ESRRB: variants seen among roughly 807,000 people sequenced by gnomAD.
ESRRB encodes steroid hormone receptor ERR2.
Under a neutral mutation model 46.0 loss-of-function variants are expected in ESRRB, and 16 were observed. The ratio of observed to expected loss-of-function variants is 0.35; its 90% confidence interval spans 0.24 to 0.53. ESRRB has a LOEUF of 0.53. Ranked by LOEUF, ESRRB falls within the 20% of genes least tolerant of loss-of-function variation. The pLI, the probability that ESRRB is intolerant of heterozygous loss-of-function variation, is 0.93. For synonymous variants in ESRRB, 246 were observed against 259.6 expected (o/e 0.95, Z 0.50); for missense variants, 488 against 607.4 (o/e 0.80, Z 2.07).
At chr14:76,333,713 C>G (rs751062904) in intron 1 of ESRRB, among the ~76,000 whole-genome samples, 2 of 151,348 alleles carry the variant, frequency 1.3e-5, no homozygotes, top group Non-Finnish European at 2.9e-5. Flanking sequence ...ATTATCATTT[C>G]GACATATAGG....
chr14:76,462,571 A>C lies in ESRRB; in HGVS notation c.487A>C (p.Thr163Pro). 1 of 1,614,052 alleles carries C rather than the reference A, an allele frequency of 6.2e-7. No homozygotes were observed. The highest frequency in any genetic ancestry group is 8.5e-7 in the Non-Finnish European group (1 of 1,179,960). Reference sequence around the variant, plus strand: ...GAACATTGAGTACAGCTGCCCGGCCACCAACGAGTGCGAGATCACCAAACG... The same window carrying C: ...GAACATTGAGTACAGCTGCCCGGCCCCCAACGAGTGCGAGATCACCAAACG... Reference protein sequence around the residue: ...QGNIEYSCPATNECEITKRRR... With the variant: ...QGNIEYSCPAPNECEITKRRR... Residue 163 changes from threonine to proline, a missense_variant, in exon 3 of 7, where the codon ACC becomes CCC. By Grantham distance (38) the Thr-to-Pro change is conservative. Coordinates refer to ENST00000644823, the MANE Select transcript of ESRRB (RefSeq NM_001379180.1).
At chr14:76,436,100 CTGCAGGA>C (rs1000653398) in intron 1 of ESRRB, among the ~76,000 whole-genome samples, 31 of 152,344 alleles carry the variant, frequency 2.0e-4, no homozygotes, top group African/African-American at 7.2e-4. Flanking sequence ...GGCCCAGACA[CTGCAGGA>C]TGCAGGATGC....
chr14:76,406,388 C>T (rs184554252), intron 1 of ESRRB, among the ~76,000 whole-genome samples: 2 of 152,246 alleles, frequency 1.3e-5, no homozygotes, highest in East Asian at 1.9e-4. Flanking sequence ...CCCTAACTCT[C>T]CAGATACCCA....
chr14:76,384,575 G>A (rs1287540355), intron 1 of ESRRB, among the ~76,000 whole-genome samples: 1 of 152,134 alleles, frequency 6.6e-6, no homozygotes, highest in Non-Finnish European at 1.5e-5. Flanking sequence ...TGGGTGCTTT[G>A]CCTTTGAACG....
At chr14:76,395,406 C>T (rs1229094059) in intron 1 of ESRRB, among the ~76,000 whole-genome samples, 5 of 152,152 alleles carry the variant, frequency 3.3e-5, no homozygotes, top group Non-Finnish European at 1.5e-5. Context: ...AGGAAGGAGT[C>T]CCTCCGGACT....
At chr14:76,453,694 A>G (rs553106966) in intron 2 of ESRRB, among the ~76,000 whole-genome samples, 1 of 147,958 alleles carries the variant, frequency 6.8e-6, no homozygotes, top group African/African-American at 2.5e-5. Context: ...GCCTCCCTTC[A>G]ACCTCCCTGG....
chr14:76,400,546 G>A (rs950957887), intron 1 of ESRRB, among the ~76,000 whole-genome samples: 3 of 152,216 alleles, frequency 2.0e-5, no homozygotes, highest in African/African-American at 7.2e-5. Context: ...GTACTAGGTT[G>A]CCTTTTCCCA....
At chr14:76,417,609 G>C (rs1886761942) in intron 1 of ESRRB, among the ~76,000 whole-genome samples, 1 of 152,202 alleles carries the variant, frequency 6.6e-6, no homozygotes, top group African/African-American at 2.4e-5. Context: ...CATATTTCAA[G>C]CATGTGACTT....
At chr14:76,446,707 T>C (rs1888163646) in intron 2 of ESRRB, among the ~76,000 whole-genome samples, 1 of 152,170 alleles carries the variant, frequency 6.6e-6, no homozygotes, top group Non-Finnish European at 1.5e-5. Context: ...TAGGATCTAG[T>C]TCCCCTGCAG....
intron 5 of ESRRB, among the ~76,000 whole-genome samples, chr14:76,484,292 G>C (rs917332765): frequency 6.6e-6 from 1 of 152,242 alleles, no homozygotes; most frequent in African/African-American, 2.4e-5. Flanking sequence ...TGCTGGCAGG[G>C]ACTGCCTGGT....
At chr14:76,471,910 GT>G (rs1889388115) in intron 3 of ESRRB, among the ~76,000 whole-genome samples, 1 of 152,210 alleles carries the variant, frequency 6.6e-6, no homozygotes, top group Non-Finnish European at 1.5e-5. Context: ...GGATCAGCAG[GT>G]AAGAGTGCCA....
At chr14:76,353,520 C>T (rs577607644) in intron 1 of ESRRB, among the ~76,000 whole-genome samples, 2 of 152,280 alleles carry the variant, frequency 1.3e-5, no homozygotes, top group Admixed American at 6.5e-5. Context: ...ATTTATGAAC[C>T]GCTAAGCATG....
chr14:76,368,077 T>C (rs1279736700), upstream of ESRRB, among the ~76,000 whole-genome samples: 1 of 148,102 alleles, frequency 6.8e-6, no homozygotes, highest in Non-Finnish European at 1.5e-5. Flanking sequence ...TTCAGCCTCC[T>C]CAGTAGCTGG....
intron 1 of ESRRB, among the ~76,000 whole-genome samples, chr14:76,423,237 G>A (rs1042785428): frequency 2.9e-5 from 4 of 136,770 alleles, no homozygotes; most frequent in Admixed American, 8.3e-5. Flanking sequence ...TCTGCCTCCC[G>A]CGCTCAAGAA....
At chr14:76,345,828 G>T (rs372893560) in intron 1 of ESRRB, among the ~76,000 whole-genome samples, 2 of 152,126 alleles carry the variant, frequency 1.3e-5, no homozygotes, top group Non-Finnish European at 2.9e-5. Context: ...CAGACCTTCC[G>T]GGCTCTGTCT....
At chr14:76,322,101 T>C (rs951306120) in intron 1 of ESRRB, among the ~76,000 whole-genome samples, 8 of 152,140 alleles carry the variant, frequency 5.3e-5, no homozygotes, top group African/African-American at 1.2e-4. Context: ...TTTTCAAAGT[T>C]TTCATCTTTT....
Position 76,432,671 on chromosome 14 carries a change from CTTTTTT to C in ESRRB, c.51-6655_51-6650del, listed in dbSNP as rs529243634. 1.7e-3 allele frequency among the ~76,000 whole-genome samples: 195 copies of C among 111,436 alleles called. 14 individuals carry two copies. The highest frequency in any genetic ancestry group is 8.1e-3 in the African/African-American group (187 of 23,078). The allele number at this position is 111,436 out of a possible 152,430, so 73.1% of individuals were successfully genotyped here. A position where few individuals can be genotyped will look rare whatever the true frequency, so the allele number is the denominator to read the frequency against. ...TACTGAATAAGCTATTTCTCTCTCT[CTTTTTT>C]TTTTTTTTTTTTTTCTGAGACGGTG... On this transcript the variant is annotated intron_variant, in intron 1 of 6. Transcript: ENST00000644823.
intron 1 of ESRRB, among the ~76,000 whole-genome samples, chr14:76,429,476 C>T (rs774278654): frequency 3.3e-5 from 5 of 152,140 alleles, no homozygotes; most frequent in Admixed American, 6.6e-5. Flanking sequence ...TCAGGCCGGG[C>T]GCAGTGGCTC....
intron 1 of ESRRB, among the ~76,000 whole-genome samples, chr14:76,387,643 G>T (rs1885294594): frequency 6.6e-6 from 1 of 152,168 alleles, no homozygotes; most frequent in African/African-American, 2.4e-5. Flanking sequence ...CCTCCAGACG[G>T]GCTGGAAAGT....
Sources: allele counts gnomAD v4.1 joint callset (sites outside exome capture counted in the v4.1 genomes callset), GRCh38; gene constraint gnomAD v4.1.1; transcripts MANE v1.5; gene names NCBI Gene and HGNC (gene_info 2026-07-23, HGNC 2026-07-21).